The following PACRG variants were observed in gnomAD, a reference collection of about 807,000 sequenced individuals.
The protein encoded by PACRG is parkin coregulated, also known as parkin coregulated gene protein.
Under a neutral mutation model 29.7 loss-of-function variants are expected in PACRG, and 29 were observed. The observed-to-expected ratio is 0.98, with a 90% CI of 0.73 to 1.33. The LOEUF (loss-of-function observed/expected upper bound fraction) is 1.33. PACRG is among the 40% of genes most tolerant of loss of function. The pLI is 0.00. For missense variants in PACRG, 279 were observed against 316.2 expected, an observed-to-expected ratio of 0.88 and a Z score of 0.89; for synonymous variants, 116 against 118.7, an observed-to-expected ratio of 0.98 and a Z score of 0.15.
intron 2 of PACRG, among the ~76,000 whole-genome samples, chr6:162,817,629 G>A (rs1035475437): frequency 4.6e-5 from 7 of 152,168 alleles, no homozygotes; most frequent in South Asian, 2.1e-4. Context: ...ATGTGCCTAC[G>A]GAGACTGAGG....
At chr6:162,883,910 T>TATATC (rs66746809) in intron 2 of PACRG, among the ~76,000 whole-genome samples, 3 of 16,806 alleles carry the variant, frequency 1.8e-4, no homozygotes, top group Non-Finnish European at 1.9e-4. Flanking sequence ...GCTCTCTACA[T>TATATC]ATATGCATTC....
chr6:162,879,648 T>C (rs900213621), intron 2 of PACRG, among the ~76,000 whole-genome samples: 1 of 152,252 alleles, frequency 6.6e-6, no homozygotes, highest in Non-Finnish European at 1.5e-5. Context: ...ATTCATTAAT[T>C]CATTCCTTCA....
chr6:162,970,970 A>C (rs1463690805), intron 2 of PACRG, among the ~76,000 whole-genome samples: 1 of 152,172 alleles, frequency 6.6e-6, no homozygotes, highest in African/African-American at 2.4e-5. Context: ...CCCCATACTA[A>C]AAACGAGATG....
At chr6:162,936,644 T>C (rs898567197) in intron 2 of PACRG, among the ~76,000 whole-genome samples, 1 of 152,142 alleles carries the variant, frequency 6.6e-6, no homozygotes, top group African/African-American at 2.4e-5. Flanking sequence ...TCCATTATAA[T>C]TTTATATTTT....
At chr6:162,752,053 A>G (rs558246835) in intron 1 of PACRG, among the ~76,000 whole-genome samples, 2 of 152,206 alleles carry the variant, frequency 1.3e-5, no homozygotes, top group Admixed American at 6.5e-5. Flanking sequence ...ATGGTAAAAT[A>G]TCAGTTATTT....
At chr6:163,019,354 T>C (rs2128219048) in intron 2 of PACRG, among the ~76,000 whole-genome samples, 1 of 152,290 alleles carries the variant, frequency 6.6e-6, no homozygotes, top group South Asian at 2.1e-4. Flanking sequence ...ATTTCTAGGA[T>C]CTGCCTTCTC....
chr6:163,285,622 C>T (rs1784372739), intron 4 of PACRG, among the ~76,000 whole-genome samples: 1 of 152,170 alleles, frequency 6.6e-6, no homozygotes, highest in Admixed American at 6.5e-5. Context: ...TGGCCCAGCC[C>T]AGAGAGCTGG....
intron 1 of PACRG, among the ~76,000 whole-genome samples, chr6:162,748,168 C>T (rs566894951): frequency 7.2e-5 from 11 of 152,184 alleles, no homozygotes; most frequent in African/African-American, 2.6e-4. Flanking sequence ...TCTGCTGAAA[C>T]GTATTAAAAT....
chr6:162,947,090 A>G (rs1054236290), intron 2 of PACRG, among the ~76,000 whole-genome samples: 31 of 151,816 alleles, frequency 2.0e-4, no homozygotes, highest in African/African-American at 7.3e-4. Context: ...CACCACTCCT[A>G]TTCAACATGC....
intron 4 of PACRG, among the ~76,000 whole-genome samples, chr6:163,212,659 A>G (rs1375017766): frequency 6.6e-6 from 1 of 152,238 alleles, no homozygotes; most frequent in Admixed American, 6.5e-5. Flanking sequence ...ATTAATATAA[A>G]TGAATAAATG....
intron 1 of PACRG, among the ~76,000 whole-genome samples, chr6:162,738,769 A>C (rs1780355650): frequency 6.6e-6 from 1 of 152,228 alleles, no homozygotes; most frequent in African/African-American, 2.4e-5. Context: ...AGAGCTTTGT[A>C]AACATTATTT....
chr6:163,061,597 C>A (rs915835948), intron 2 of PACRG, among the ~76,000 whole-genome samples: 5 of 152,106 alleles, frequency 3.3e-5, no homozygotes, highest in African/African-American at 1.2e-4. Context: ...CTTCTTGATG[C>A]CCTGAATGTT....
At chr6:163,107,830 G>C (rs1326443869) in intron 4 of PACRG, among the ~76,000 whole-genome samples, 1 of 152,098 alleles carries the variant, frequency 6.6e-6, no homozygotes, top group African/African-American at 2.4e-5. Context: ...TTTATTTGCT[G>C]TTCTTTGTTT....
At chr6:163,099,819 C>T (rs565328102) in intron 4 of PACRG, among the ~76,000 whole-genome samples, 7 of 152,286 alleles carry the variant, frequency 4.6e-5, no homozygotes, top group Admixed American at 1.3e-4. Flanking sequence ...TGCGGAACCC[C>T]TCGCAGGGGT....
chr6:162,825,896 A>G (rs535231051), intron 2 of PACRG, among the ~76,000 whole-genome samples: 2 of 152,062 alleles, frequency 1.3e-5, no homozygotes, highest in South Asian at 2.1e-4. Context: ...GGGACTTAGT[A>G]TTTGCCTATC....
At chr6:162,869,535 C>T (rs1452722599) in intron 2 of PACRG, among the ~76,000 whole-genome samples, 1 of 152,096 alleles carries the variant, frequency 6.6e-6, no homozygotes, top group Non-Finnish European at 1.5e-5. Context: ...ATGTGCTTTG[C>T]CCTTGCTCTG....
At chr6:162,858,034 T>C (rs926551781) in intron 2 of PACRG, among the ~76,000 whole-genome samples, 2 of 152,222 alleles carry the variant, frequency 1.3e-5, no homozygotes, top group Admixed American at 6.5e-5. Context: ...GCCATATTGG[T>C]ATCATCATTG....
At chr6:163,041,075 T>C (rs535270615) in intron 2 of PACRG, among the ~76,000 whole-genome samples, 5 of 152,106 alleles carry the variant, frequency 3.3e-5, no homozygotes, top group Non-Finnish European at 7.4e-5. Context: ...CAGTGGCTCA[T>C]GCCTGTAATC....
intron 4 of PACRG, among the ~76,000 whole-genome samples, chr6:163,304,102 A>G (rs1785107545): frequency 6.6e-6 from 1 of 151,372 alleles, no homozygotes; most frequent in Non-Finnish European, 1.5e-5. Context: ...AAATTTAAAG[A>G]TGATCCAGGT....
Sources: allele counts gnomAD v4.1 joint callset (sites outside exome capture counted in the v4.1 genomes callset), GRCh38; gene constraint gnomAD v4.1.1; transcripts MANE v1.5; gene names NCBI Gene and HGNC (gene_info 2026-07-23, HGNC 2026-07-21).